Variants in CFTR observed in about 807,000 individuals in gnomAD.
CFTR encodes cystic fibrosis transmembrane conductance regulator.
Under a neutral mutation model 171.6 loss-of-function variants are expected in CFTR, and 181 were observed. The observed-to-expected ratio is 1.05, with a 90% CI of 0.93 to 1.19. The LOEUF (loss-of-function observed/expected upper bound fraction) is 1.19, where lower values mean the gene tolerates loss of function less well. Among genes scored for constraint, CFTR ranks in the 50% most tolerant of loss-of-function variants. The pLI is 0.00. For missense variants in CFTR, 1,968 were observed against 1,734.7 expected, an observed-to-expected ratio of 1.13 and a Z score of -2.39; for synonymous variants, 583 against 608.0, an observed-to-expected ratio of 0.96 and a Z score of 0.60.
intron 24 of CFTR, among the ~76,000 whole-genome samples, chr7:117,657,217 GAA>G: frequency 6.6e-6 from 1 of 152,192 alleles, no homozygotes; most frequent in South Asian, 2.1e-4. Context: ...TAAAATCTTA[GAA>G]CCTGTGGTTA....
intron 3 of CFTR, among the ~76,000 whole-genome samples, chr7:117,522,126 A>C (rs1360006776): frequency 6.6e-6 from 1 of 152,188 alleles, no homozygotes; most frequent in Non-Finnish European, 1.5e-5. Flanking sequence ...GAATGCAATC[A>C]CTTGAGCTGT....
chr7:117,540,043 C>T lies in CFTR; in HGVS notation c.870-57C>T. The T allele has an allele frequency of 2.1e-5, 30 of 1,441,202 alleles. No homozygotes were observed. The South Asian group carries it at 3.3e-4, about 16-fold the overall frequency. 89.3% of individuals were successfully genotyped at this position (1,441,202 alleles called of 1,614,324 possible). A position where few individuals can be genotyped will look rare whatever the true frequency, so the allele number is the denominator to read the frequency against. On this transcript the variant is annotated intron_variant, in intron 7 of 26. Transcript: ENST00000003084. The stretch of plus-strand genomic sequence containing the variant: ...TGCTCAGATCTTCCATTCCAAGATC[C>T]CTGATATTTGAAAAATAAAATAACA...
rs892165755 is a variant in CFTR, at chr7:117,483,522, T to TA, written c.53+3384dup. ...GCTACCTAATTTTAGGTGTTTTCATTAAAAAAAAATGCATTGCAAACTTTA... is the reference window on the plus strand; with the variant it reads ...GCTACCTAATTTTAGGTGTTTTCATTAAAAAAAAAATGCATTGCAAACTTTA... On this transcript the variant is annotated intron_variant, in intron 1 of 26. Transcript: ENST00000003084. 3.5e-4 allele frequency among the ~76,000 whole-genome samples: 53 copies of TA among 150,808 alleles called. No homozygotes were observed. In the South Asian group the frequency reaches 3.8e-3, roughly 11 times the overall value.
chr7:117,487,241 T>A (rs1798089909), intron 1 of CFTR, among the ~76,000 whole-genome samples: 1 of 152,140 alleles, frequency 6.6e-6, no homozygotes, highest in African/African-American at 2.4e-5. Context: ...ATGTCTGAGG[T>A]GACAGTTTTA....
At position 117,490,312 on chromosome 7, in the gene CFTR, T is replaced by TACACACACACAC. The variant is rs3034759; in HGVS notation, c.53+10197_53+10208dup. On this transcript the variant is annotated intron_variant, in intron 1 of 26. Coordinates refer to ENST00000003084, the MANE Select transcript of CFTR (RefSeq NM_000492.4). ...TTCTCCAGAGAAGTAGAACCAATGA[T>TACACACACACAC]ACACACACACACACACACACACACA... Among the ~76,000 whole-genome samples, 524 of 136,870 alleles carry TACACACACACAC rather than the reference T, an allele frequency of 3.8e-3. 3 individuals carry two copies. The highest frequency in any genetic ancestry group is 8.1e-3 in the African/African-American group (305 of 37,738). 89.8% of individuals were successfully genotyped at this position (136,870 alleles called of 152,430 possible).
intron 11 of CFTR, among the ~76,000 whole-genome samples, chr7:117,570,688 T>G (rs1207171470): frequency 2.0e-5 from 3 of 152,186 alleles, no homozygotes; most frequent in Non-Finnish European, 4.4e-5. Context: ...AGAAAAGAAA[T>G]TCTATCTCAG....
intron 3 of CFTR, among the ~76,000 whole-genome samples, chr7:117,509,708 C>T (rs897045475): frequency 1.3e-5 from 2 of 152,086 alleles, no homozygotes; most frequent in Non-Finnish European, 2.9e-5. Flanking sequence ...AGTTGCACAC[C>T]TGAAAATCCA....
At chr7:117,603,485 G>T in intron 16 of CFTR, 47 bp from the exon 17 acceptor site, 1 of 1,611,072 alleles carries the variant, frequency 6.2e-7, no homozygotes, top group Non-Finnish European at 8.5e-7. Flanking sequence ...TGGAAATTCA[G>T]TAAGTAACTT....
chr7:117,649,525 T>C (rs1051018346), intron 23 of CFTR, among the ~76,000 whole-genome samples: 6 of 149,040 alleles, frequency 4.0e-5, no homozygotes, highest in African/African-American at 1.5e-4. Context: ...ATATATTTTT[T>C]TTTTCCTGAG....
chr7:117,651,351 T>C (rs1200473846), intron 23 of CFTR, among the ~76,000 whole-genome samples: 1 of 152,226 alleles, frequency 6.6e-6, no homozygotes, highest in Admixed American at 6.6e-5. Flanking sequence ...TTTTTAACTT[T>C]ATATACTAAA....
intron 24 of CFTR, among the ~76,000 whole-genome samples, chr7:117,663,885 TG>T (rs750281194): frequency 1.3e-5 from 2 of 152,178 alleles, no homozygotes; most frequent in Non-Finnish European, 2.9e-5. Context: ...TCAATAACTT[TG>T]TCATATTTTT....
intron 21 of CFTR, among the ~76,000 whole-genome samples, chr7:117,618,135 T>C (rs1792521239): frequency 6.6e-6 from 1 of 152,164 alleles, no homozygotes; most frequent in African/African-American, 2.4e-5. Context: ...TCCTGGCCCC[T>C]TCTCTCTTTC....
intron 1 of CFTR, 63 bp downstream of exon 1, chr7:117,480,210 A>G (rs1486076120): frequency 2.0e-6 from 3 of 1,494,338 alleles, no homozygotes; most frequent in Admixed American, 3.3e-5. Context: ...GGGCGTGTGT[A>G]TGGGTTGGGT....
rs142264245 is a variant in CFTR, at chr7:117,612,713, A to G, written c.3367+905A>G. On this transcript the variant is annotated intron_variant, in intron 20 of 26. Transcript: ENST00000003084. The stretch of plus-strand genomic sequence containing the variant: ...TACAGAAAGGCCTCATGGAACACCG[A>G]GAAGGTGGTGCCATTCGACTCTTAA... Among the ~76,000 whole-genome samples the G allele has an allele frequency of 2.0e-3, 305 of 152,278 alleles. 1 individual carries two copies. Among genetic ancestry groups the G allele is most frequent in the African/African-American group, 7.1e-3 (297 of 41,572 alleles).
intron 15 of CFTR, among the ~76,000 whole-genome samples, chr7:117,595,739 C>G (rs896486547): frequency 2.0e-5 from 3 of 151,802 alleles, no homozygotes; most frequent in African/African-American, 7.3e-5. Flanking sequence ...AAAAAATTAG[C>G]TGGGCATGGT....
intron 21 of CFTR, among the ~76,000 whole-genome samples, chr7:117,626,661 T>A: frequency 6.6e-6 from 1 of 152,084 alleles, no homozygotes; most frequent in Non-Finnish European, 1.5e-5. Context: ...TACTCATTAG[T>A]ATATTCATTC....
chr7:117,590,507 A>G lies in CFTR; in HGVS notation c.1766+68A>G, dbSNP rs1792010350. On this transcript the variant is annotated intron_variant, in intron 13 of 26. Transcript: ENST00000003084. ...TAAAAGAAAGACAGACTGTCCCATCATAGATTGCATTTTACCTCTTGAGAA... is the reference window on the plus strand; with the variant it reads ...TAAAAGAAAGACAGACTGTCCCATCGTAGATTGCATTTTACCTCTTGAGAA... The G allele has an allele frequency of 2.6e-6, 4 of 1,535,724 alleles. No individual in the cohort carries two copies. In the Admixed American group the frequency reaches 5.4e-5, roughly 21 times the overall value.
chr7:117,667,228 T>G lies in CFTR; in HGVS notation c.*120T>G. The stretch of plus-strand genomic sequence containing the variant: ...CTCTGCCTCAGAAAACAAGGATGAA[T>G]TAAGTTTTTTTTTAAAAAAGAAACA... On this transcript the variant is annotated 3_prime_UTR_variant, in exon 27 of 27. Coordinates refer to ENST00000003084, the MANE Select transcript of CFTR (RefSeq NM_000492.4). 2 of 908,696 alleles carry G rather than the reference T, an allele frequency of 2.2e-6. No homozygotes were observed. The highest frequency in any genetic ancestry group is 3.4e-6 in the Non-Finnish European group (2 of 593,644). 56.3% of individuals were successfully genotyped at this position (908,696 alleles called of 1,614,324 possible).
At chr7:117,610,432 A>T in intron 18 of CFTR, 87 bp from the exon 19 acceptor site, 1 of 1,275,818 alleles carries the variant, frequency 7.8e-7, no homozygotes, top group Non-Finnish European at 1.1e-6. Context: ...ATGCAAAAAA[A>T]AAAAAAGAAA....
Sources: allele counts gnomAD v4.1 joint callset (sites outside exome capture counted in the v4.1 genomes callset), GRCh38; gene constraint gnomAD v4.1.1; transcripts MANE v1.5; gene names NCBI Gene and HGNC (gene_info 2026-07-23, HGNC 2026-07-21).